The following DPF3 variants were observed in gnomAD, a reference collection of about 807,000 sequenced individuals.
DPF3 encodes double PHD fingers 3.
DPF3 carries 18 observed loss-of-function variants against 56.8 expected under a neutral mutation model. That is an observed-to-expected ratio of 0.32 (90% confidence interval 0.22 to 0.47). The LOEUF is 0.47. DPF3 is among the 20% of genes least tolerant of loss of function. The probability of loss-of-function intolerance (pLI) is 1.00; values close to 1 mark genes in which losing one functional copy is unlikely to be tolerated. For synonymous variants in DPF3, 188 were observed against 180.2 expected (o/e 1.04, Z -0.35); for missense variants, 403 against 488.8 (o/e 0.82, Z 1.65).
At chr14:72,828,772 A>G (rs780490556) in intron 1 of DPF3, among the ~76,000 whole-genome samples, 4 of 152,154 alleles carry the variant, frequency 2.6e-5, no homozygotes, top group Non-Finnish European at 5.9e-5. Context: ...CCTGGGGGCA[A>G]TGAGGAAATC....
intron 6 of DPF3, among the ~76,000 whole-genome samples, chr14:72,702,672 C>T (rs1215004941): frequency 6.6e-6 from 1 of 152,178 alleles, no homozygotes. Flanking sequence ...AACCAATTCC[C>T]CCGAGCAGGG....
Position 72,614,124 on chromosome 14 carries a change from T to G in DPF3, c.*5173A>C, listed in dbSNP as rs67504864. ...CCATTGTTTCCACACTCAGGGCTGG[T>G]GGCCGTGGCCTCTGGCAGAGAATCA... On this transcript the variant is annotated 3_prime_UTR_variant, in exon 11 of 11. Coordinates refer to ENST00000556509, the MANE Select transcript of DPF3 (RefSeq NM_001280542.3). Among the ~76,000 whole-genome samples, 40,762 of 152,092 alleles carry G rather than the reference T, an allele frequency of 0.27. 6,828 individuals are homozygous for G. The highest frequency in any genetic ancestry group is 0.65 in the East Asian group (3,365 of 5,138).
At chr14:72,827,711 C>A (rs1883872392) in intron 1 of DPF3, among the ~76,000 whole-genome samples, 1 of 151,896 alleles carries the variant, frequency 6.6e-6, no homozygotes, top group South Asian at 2.1e-4. Flanking sequence ...AACTCCTGAC[C>A]TCAGGTGATC....
At chr14:72,880,277 G>A (rs2140123023) in intron 1 of DPF3, among the ~76,000 whole-genome samples, 1 of 152,326 alleles carries the variant, frequency 6.6e-6, no homozygotes, top group East Asian at 1.9e-4. Context: ...TGTTCCTGGA[G>A]CCAATATTGC....
At chr14:72,781,858 A>G (rs1193695514) in intron 1 of DPF3, among the ~76,000 whole-genome samples, 1 of 152,194 alleles carries the variant, frequency 6.6e-6, no homozygotes, top group African/African-American at 2.4e-5. Flanking sequence ...AGAATGCAAC[A>G]AAAGTGAGGT....
intron 1 of DPF3, among the ~76,000 whole-genome samples, chr14:72,850,604 G>A (rs1467405204): frequency 6.6e-6 from 1 of 152,190 alleles, no homozygotes; most frequent in Admixed American, 6.5e-5. Context: ...GGGCATGCCA[G>A]AGAGACACCT....
intron 1 of DPF3, among the ~76,000 whole-genome samples, chr14:72,814,957 G>A (rs1883221843): frequency 1.3e-5 from 2 of 152,122 alleles, no homozygotes; most frequent in East Asian, 3.8e-4. Context: ...AAATGCATGA[G>A]TCGTAAAGGA....
rs774376589 is a variant in DPF3 at position 72,693,201 on chromosome 14, C to A, written c.617G>T (p.Arg206Leu). 6 of 1,613,810 alleles carry A rather than the reference C, an allele frequency of 3.7e-6. No homozygotes were observed. Among genetic ancestry groups the A allele is most frequent in the Non-Finnish European group, 5.1e-6 (6 of 1,179,846 alleles). Residue 206 changes from arginine to leucine, a missense_variant, in exon 7 of 11, where the codon CGC becomes CTC. Arg to Leu is a moderately radical substitution (Grantham distance 102, BLOSUM62 -2). Coordinates refer to ENST00000556509, the MANE Select transcript of DPF3 (RefSeq NM_001280542.3). ...GCTGAGCCCCGGTCGGTTCTTGTAG[C>A]GCTTGCCACAGACTAGAGAGGAAAA... is the stretch of plus-strand genomic sequence containing the variant. ...KPYVCDICGK[R>L]YKNRPGLSYH...
Position 72,611,811 on chromosome 14 carries a change from G to A in DPF3, c.*7486C>T, listed in dbSNP as rs1883744966. Among the ~76,000 whole-genome samples the A allele has an allele frequency of 6.6e-6, 1 of 152,066 alleles. No homozygotes were observed. The highest frequency in any genetic ancestry group is 2.4e-5 in the African/African-American group (1 of 41,398). ...TCCCCCGACCCCTCAGCCTCCACAG[G>A]GTAGAAATCACTGGATGCCTCCACC... On this transcript the variant is annotated 3_prime_UTR_variant, in exon 11 of 11. Transcript: ENST00000556509.
intron 2 of DPF3, among the ~76,000 whole-genome samples, chr14:72,765,712 C>T (rs1318212347): frequency 6.6e-6 from 1 of 152,192 alleles, no homozygotes. Context: ...CTTTGGGAGG[C>T]CGAGGCGGGT....
At chr14:72,770,652 T>C (rs1401352549) in intron 2 of DPF3, among the ~76,000 whole-genome samples, 1 of 152,234 alleles carries the variant, frequency 6.6e-6, no homozygotes, top group South Asian at 2.1e-4. Context: ...TGAAACACGA[T>C]TGACCATGAG....
In DPF3 at chr14:72,611,799, C is replaced by T. The variant is rs2153564888; in HGVS notation, c.*7498G>A. Among the ~76,000 whole-genome samples, 1 of 152,274 alleles carries T rather than the reference C, an allele frequency of 6.6e-6. No individual in the cohort carries two copies. The highest frequency in any genetic ancestry group is 1.9e-4 in the East Asian group (1 of 5,156). On this transcript the variant is annotated 3_prime_UTR_variant, in exon 11 of 11. Coordinates refer to ENST00000556509, the MANE Select transcript of DPF3 (RefSeq NM_001280542.3). ...CATCTGTTTTCTTCCCCCGACCCCT[C>T]AGCCTCCACAGGGTAGAAATCACTG...
chr14:72,704,310 T>G (rs1399081389), intron 6 of DPF3, among the ~76,000 whole-genome samples: 1 of 152,210 alleles, frequency 6.6e-6, no homozygotes, highest in Non-Finnish European at 1.5e-5. Context: ...AAATAATAAA[T>G]GTCATTGTCA....
At position 72,753,319 on chromosome 14, in the gene DPF3, C is replaced by G. The variant is rs751749997; in HGVS notation, c.246G>C (p.Lys82Asn). The change falls in exon 3 of 11, where the codon AAG becomes AAC. Residue 82 changes from lysine (K) to asparagine (N), a missense_variant. Lys to Asn is a moderately conservative substitution (Grantham distance 94, BLOSUM62 0). Around this residue, in one of 2 missense-constraint regions of DPF3, gnomAD observed 340 missense variants for 374.3 expected, o/e 0.91. Coordinates refer to ENST00000556509, the MANE Select transcript of DPF3 (RefSeq NM_001280542.3). The part of the protein sequence containing the change: ...YTYPARCWRK[K>N]RRLHPPEDPK... ...GATCTTCAGGTGGGTGCAATCGTCT[C>G]TTCTTGCGCCAGCAGCGGGCAGGGT... 6.2e-7 allele frequency: 1 copy of G among 1,613,642 alleles called. No individual in the cohort carries two copies. Among genetic ancestry groups the G allele is most frequent in the Non-Finnish European group, 8.5e-7 (1 of 1,179,854 alleles).
At chr14:72,682,121 G>A (rs573373636) in intron 7 of DPF3, among the ~76,000 whole-genome samples, 190 of 151,908 alleles carry the variant, frequency 1.3e-3, no homozygotes, top group African/African-American at 4.3e-3. Flanking sequence ...GGCTGAGGAA[G>A]GAGAATCACT....
At chr14:72,675,880 A>G (rs1044137881) in intron 7 of DPF3, 3 of 152,174 alleles carry the variant, frequency 2.0e-5, no homozygotes, top group African/African-American at 7.2e-5. Context: ...CAGTCCCTGG[A>G]TCTCAAACAC....
At chr14:72,722,238 C>T (rs943724790) in intron 5 of DPF3, among the ~76,000 whole-genome samples, 6 of 152,246 alleles carry the variant, frequency 3.9e-5, no homozygotes, top group African/African-American at 7.2e-5. Context: ...AAAGAAGAGA[C>T]GAGCCAAGAT....
intron 9 of DPF3, among the ~76,000 whole-genome samples, chr14:72,629,135 G>A (rs1366827646): frequency 6.6e-5 from 10 of 152,148 alleles, no homozygotes; most frequent in African/African-American, 2.4e-5. Context: ...GGTTATTTAG[G>A]TATAAAAGTA....
At chr14:72,764,484 GTTTTTTTTTTTTTT>G (rs57886183) in intron 2 of DPF3, among the ~76,000 whole-genome samples, 32 of 52,792 alleles carry the variant, frequency 6.1e-4, no homozygotes, top group South Asian at 4.5e-3. Flanking sequence ...TTCCTGAGTT[GTTTTTTTTTTTTTT>G]TTTTTTTTTT....
Sources: gnomAD v4.1 joint callset for allele counts (sites outside exome capture counted in the v4.1 genomes callset) on GRCh38, gnomAD v4.1.1 for gene constraint, gnomAD v4.1.1 regional missense constraint, MANE v1.5 for transcripts, NCBI Gene and HGNC (gene_info 2026-07-23, HGNC 2026-07-21) for gene names.